The following TCAIM variants were observed in gnomAD, a reference collection of about 807,000 sequenced individuals.
TCAIM encodes T-cell activation inhibitor, mitochondrial.
In TCAIM, 36 loss-of-function variants were observed where a neutral mutation model predicts 58.6. That is an observed-to-expected ratio of 0.61 (90% CI 0.47 to 0.81). The LOEUF is 0.81. TCAIM is among the 30% of genes least tolerant of loss of function. TCAIM has a pLI of 0.00. For missense variants in TCAIM, 466 were observed against 579.6 expected (o/e 0.80, Z 2.01); for synonymous variants, 172 against 193.6 (o/e 0.89, Z 0.93).
intron 5 of TCAIM, among the ~76,000 whole-genome samples, chr3:44,368,311 C>T (rs1438831097): frequency 3.3e-5 from 5 of 152,128 alleles, no homozygotes; most frequent in African/African-American, 1.2e-4. Context: ...TTCATAAAGA[C>T]CCATCACATT....
intron 1 of TCAIM, among the ~76,000 whole-genome samples, chr3:44,346,560 CTG>C (rs1219506900): frequency 1.3e-5 from 2 of 152,066 alleles, no homozygotes; most frequent in African/African-American, 4.8e-5. Flanking sequence ...AGATGGAACA[CTG>C]AGAAATGATT....
intron 5 of TCAIM, among the ~76,000 whole-genome samples, chr3:44,376,989 C>T (rs1247600783): frequency 3.9e-5 from 6 of 152,170 alleles, no homozygotes; most frequent in African/African-American, 1.4e-4. Flanking sequence ...ACTCGGGAGG[C>T]TGAGGCAGGA....
intron 5 of TCAIM, among the ~76,000 whole-genome samples, chr3:44,368,702 G>A (rs1701419034): frequency 6.6e-6 from 1 of 152,176 alleles, no homozygotes; most frequent in African/African-American, 2.4e-5. Context: ...TGATGGACCA[G>A]AAGTAATGAC....
intron 1 of TCAIM, among the ~76,000 whole-genome samples, chr3:44,349,459 A>G (rs1575237289): frequency 6.6e-6 from 1 of 152,138 alleles, no homozygotes; most frequent in East Asian, 1.9e-4. Context: ...AGGGAGAAGA[A>G]GGAGGAATGG....
upstream of TCAIM, chr3:44,338,186 C>T (rs1488088720): frequency 6.6e-6 from 1 of 152,570 alleles, no homozygotes; most frequent in East Asian, 1.9e-4. Context: ...CTTCTCCGTT[C>T]CTTGCAGGCC....
At chr3:44,374,646 A>G (rs1211002987) in intron 5 of TCAIM, among the ~76,000 whole-genome samples, 1 of 152,178 alleles carries the variant, frequency 6.6e-6, no homozygotes, top group African/African-American at 2.4e-5. Flanking sequence ...CTGTACTCCC[A>G]GCTACTCAGG....
intron 1 of TCAIM, among the ~76,000 whole-genome samples, chr3:44,343,826 A>G (rs1477714224): frequency 2.0e-5 from 3 of 152,192 alleles, no homozygotes; most frequent in Non-Finnish European, 2.9e-5. Flanking sequence ...TGTATTTGGT[A>G]ACATTTTATT....
At chr3:44,374,378 A>G (rs947849925) in intron 5 of TCAIM, among the ~76,000 whole-genome samples, 1 of 151,870 alleles carries the variant, frequency 6.6e-6, no homozygotes, top group Non-Finnish European at 1.5e-5. Context: ...GTTTAGTTAC[A>G]TACACATAAA....
intron 1 of TCAIM, among the ~76,000 whole-genome samples, chr3:44,353,557 TG>T (rs1425320522): frequency 1.3e-5 from 2 of 152,222 alleles, no homozygotes; most frequent in Non-Finnish European, 2.9e-5. Flanking sequence ...TAGCAGTGAA[TG>T]AGAGTTGCTG....
intron 5 of TCAIM, among the ~76,000 whole-genome samples, chr3:44,383,402 A>C (rs1399954603): frequency 1.3e-5 from 2 of 152,192 alleles, no homozygotes; most frequent in South Asian, 4.1e-4. Context: ...GCTACAACAC[A>C]TGAACCTTGA....
At chr3:44,361,557 A>G (rs1701296578) in intron 4 of TCAIM, 39 bp downstream of exon 4, 1 of 1,469,744 alleles carries the variant, frequency 6.8e-7, no homozygotes, top group South Asian at 1.5e-5. Context: ...TGCAAGCTTA[A>G]TGTTAAATGT....
chr3:44,390,618 A>G (rs1048005453), intron 5 of TCAIM, among the ~76,000 whole-genome samples: 3 of 152,164 alleles, frequency 2.0e-5, no homozygotes, highest in Non-Finnish European at 2.9e-5. Context: ...GGTAGACCCC[A>G]TCTCAAAAAA....
intron 5 of TCAIM, among the ~76,000 whole-genome samples, chr3:44,370,233 A>G (rs1188457888): frequency 2.0e-5 from 3 of 152,122 alleles, no homozygotes; most frequent in African/African-American, 7.2e-5. Flanking sequence ...AGGCCGAGGC[A>G]GGCGGATCAC....
At chr3:44,375,432 G>A (rs1350105803) in intron 5 of TCAIM, among the ~76,000 whole-genome samples, 1 of 152,086 alleles carries the variant, frequency 6.6e-6, no homozygotes, top group East Asian at 1.9e-4. Flanking sequence ...AGGAGGAGGC[G>A]CCAGGCTATT....
chr3:44,378,930 G>A (rs1311553381), intron 5 of TCAIM, among the ~76,000 whole-genome samples: 4 of 152,224 alleles, frequency 2.6e-5, no homozygotes, highest in African/African-American at 7.2e-5. Context: ...AGGCCAAAGT[G>A]GGGAGATTGC....
At chr3:44,402,599 C>T (rs953715755) in intron 10 of TCAIM, among the ~76,000 whole-genome samples, 6 of 152,074 alleles carry the variant, frequency 3.9e-5, no homozygotes, top group Non-Finnish European at 7.3e-5. Context: ...GTGACTGTTA[C>T]GTGCCCAAAG....
Position 44,350,270 on chromosome 3 carries a change from A to T in TCAIM, c.-44-4469A>T, listed in dbSNP as rs962963234. ...GGGGGAGCTTCTGAGCCAGGAGAAG[A>T]AGTTTCACGAGGTAATGTCATCAGT... On this transcript the variant is annotated intron_variant, in intron 1 of 10. Transcript: ENST00000342649. 3.9e-5 allele frequency among the ~76,000 whole-genome samples: 6 copies of T among 152,098 alleles called. No homozygotes were observed. The East Asian group carries it at 7.7e-4, about 20-fold the overall frequency.
At chr3:44,380,571 T>C (rs1182864606) in intron 5 of TCAIM, among the ~76,000 whole-genome samples, 1 of 151,942 alleles carries the variant, frequency 6.6e-6, no homozygotes, top group Non-Finnish European at 1.5e-5. Context: ...AATCTAACTG[T>C]ACACCTTATG....
At chr3:44,363,072 G>A (rs1001355463) in intron 4 of TCAIM, 4 of 152,076 alleles carry the variant, frequency 2.6e-5, no homozygotes, top group South Asian at 2.1e-4. Context: ...TGAAAGAGTC[G>A]AGCTCGTTCC....
Sources: allele counts gnomAD v4.1 joint callset (sites outside exome capture counted in the v4.1 genomes callset), GRCh38; gene constraint gnomAD v4.1.1; transcripts MANE v1.5; gene names NCBI Gene and HGNC (gene_info 2026-07-23, HGNC 2026-07-21).